PLAAT1: variants seen among roughly 807,000 people sequenced by gnomAD.
The protein encoded by PLAAT1 is H-REV107 protein-related protein.
Under a neutral mutation model 16.4 loss-of-function variants are expected in PLAAT1, and 13 were observed. The observed-to-expected ratio is 0.79, with a 90% confidence interval of 0.52 to 1.26. PLAAT1 has a LOEUF of 1.26. Ranked by LOEUF, PLAAT1 falls within the 50% of genes most tolerant of loss-of-function variation. The pLI is 0.00. For missense variants in PLAAT1, 218 were observed against 207.8 expected (o/e 1.05, Z -0.30); for synonymous variants, 73 against 78.4 (o/e 0.93, Z 0.36).
chr3:193,267,580 G>T (rs1716825099), intron 3 of PLAAT1, among the ~76,000 whole-genome samples: 2 of 151,934 alleles, frequency 1.3e-5, no homozygotes, highest in Admixed American at 6.6e-5. Flanking sequence ...CCATTTCCTT[G>T]ATTTACCACA....
At chr3:193,259,463 T>G (rs1716505243) in intron 2 of PLAAT1, among the ~76,000 whole-genome samples, 1 of 152,224 alleles carries the variant, frequency 6.6e-6, no homozygotes, top group African/African-American at 2.4e-5. Flanking sequence ...TATTTCATTC[T>G]GTACCTAGAA....
At chr3:193,273,046 C>A (rs1001978199), downstream of PLAAT1, among the ~76,000 whole-genome samples, 5 of 152,070 alleles carry the variant, frequency 3.3e-5, no homozygotes, top group African/African-American at 1.2e-4. Context: ...AAATAAAGAT[C>A]GTTATCCACC....
At chr3:193,240,931 T>C (rs1220362365), upstream of PLAAT1, among the ~76,000 whole-genome samples, 2 of 152,096 alleles carry the variant, frequency 1.3e-5, no homozygotes, top group Non-Finnish European at 2.9e-5. Context: ...CGATTATCTT[T>C]ATAACCGCGG....
intron 2 of PLAAT1, among the ~76,000 whole-genome samples, chr3:193,262,284 G>A (rs982898259): frequency 2.2e-4 from 33 of 151,968 alleles, no homozygotes; most frequent in African/African-American, 6.5e-4. Flanking sequence ...CACTGCCTGG[G>A]GCCATGTCTG....
chr3:193,274,604 G>A (rs1330153374), downstream of PLAAT1, among the ~76,000 whole-genome samples: 1 of 152,132 alleles, frequency 6.6e-6, no homozygotes, highest in African/African-American at 2.4e-5. Flanking sequence ...ACAAAAAGAG[G>A]AACTGTGACC....
intron 3 of PLAAT1, among the ~76,000 whole-genome samples, chr3:193,265,346 T>G (rs1031419309): frequency 6.6e-6 from 1 of 152,212 alleles, no homozygotes; most frequent in African/African-American, 2.4e-5. Flanking sequence ...AGTATGGACC[T>G]TGAAAACATT....
chr3:193,278,798 A>G (rs1292568749), downstream of PLAAT1, among the ~76,000 whole-genome samples: 2 of 152,178 alleles, frequency 1.3e-5, no homozygotes, highest in Non-Finnish European at 2.9e-5. Context: ...TCATCTTCAC[A>G]ACAAATCTAT....
chr3:193,252,563 A>G (rs1716229891), intron 1 of PLAAT1, among the ~76,000 whole-genome samples: 1 of 152,176 alleles, frequency 6.6e-6, no homozygotes, highest in African/African-American at 2.4e-5. Context: ...CTTAAGGACA[A>G]TCAATTTACC....
chr3:193,281,250 C>G, downstream of PLAAT1: 1 of 980,156 alleles, frequency 1.0e-6, no homozygotes, highest in Non-Finnish European at 1.2e-6. Context: ...AAGGTCTGTT[C>G]TGATGAAGTC....
At chr3:193,241,905 C>T (rs1346779536) in intron 1 of PLAAT1, among the ~76,000 whole-genome samples, 14 of 152,278 alleles carry the variant, frequency 9.2e-5, no homozygotes, top group African/African-American at 2.9e-4. Flanking sequence ...AAAAGTCACT[C>T]ATGTTTTCTC....
chr3:193,260,495 TAATC>T (rs1420422763), intron 2 of PLAAT1, among the ~76,000 whole-genome samples: 4 of 152,056 alleles, frequency 2.6e-5, no homozygotes, highest in African/African-American at 7.2e-5. Context: ...GAATTTAAAT[TAATC>T]AACATGTAAA....
At chr3:193,257,177 A>G (rs1716406690) in intron 2 of PLAAT1, among the ~76,000 whole-genome samples, 1 of 152,098 alleles carries the variant, frequency 6.6e-6, no homozygotes, top group African/African-American at 2.4e-5. Context: ...AACTGTAACT[A>G]CCTGTTACAG....
At chr3:193,254,671 A>T (rs772771403) in intron 1 of PLAAT1, among the ~76,000 whole-genome samples, 1 of 152,206 alleles carries the variant, frequency 6.6e-6, no homozygotes, top group African/African-American at 2.4e-5. Flanking sequence ...CATCAATGTG[A>T]TGAACTCACC....
intron 1 of PLAAT1, among the ~76,000 whole-genome samples, chr3:193,246,853 G>A (rs569548146): frequency 1.8e-4 from 28 of 152,250 alleles, no homozygotes; most frequent in African/African-American, 6.5e-4. Flanking sequence ...TGGCTTTGGT[G>A]TCAGGGTAAT....
At chr3:193,274,309 A>G (rs944324297), downstream of PLAAT1, among the ~76,000 whole-genome samples, 2 of 152,176 alleles carry the variant, frequency 1.3e-5, no homozygotes, top group Non-Finnish European at 2.9e-5. Context: ...TCTTTAAGTA[A>G]AAGTATCTTT....
In PLAAT1 at chr3:193,255,686, T is replaced by C. The variant is rs1448713905; in HGVS notation, c.36T>C (p.Pro12=). 4 of 1,612,884 alleles carry C rather than the reference T, an allele frequency of 2.5e-6. No individual in the cohort carries two copies. Among genetic ancestry groups the C allele is most frequent in the Non-Finnish European group, 3.4e-6 (4 of 1,179,238 alleles). Residue 12 remains proline (P), a synonymous_variant, in exon 2 of 4, where the codon CCT becomes CCC. Coordinates refer to ENST00000264735, the MANE Select transcript of PLAAT1 (RefSeq NM_020386.5). Reference sequence around the variant, plus strand: ...ATGATTGCTTCAGTTTGAACTACCCTGGCAACCCCTGCCCAGGGGACTTGA... The same window carrying C: ...ATGATTGCTTCAGTTTGAACTACCCCGGCAACCCCTGCCCAGGGGACTTGA... The part of the protein sequence containing the change: ...AFNDCFSLNY[P]GNPCPGDLIE...
At chr3:193,247,259 C>G (rs149762377) in intron 1 of PLAAT1, among the ~76,000 whole-genome samples, 1 of 152,270 alleles carries the variant, frequency 6.6e-6, no homozygotes, top group African/African-American at 2.4e-5. Flanking sequence ...TGACCCACCC[C>G]ACAGGTGCTT....
chr3:193,273,010 A>T (rs746937102), downstream of PLAAT1, among the ~76,000 whole-genome samples: 3 of 152,350 alleles, frequency 2.0e-5, no homozygotes, highest in African/African-American at 7.2e-5. Context: ...GTTCAACTTT[A>T]TCACATTCTA....
downstream of PLAAT1, among the ~76,000 whole-genome samples, chr3:193,272,433 A>T (rs1400291409): frequency 6.6e-6 from 1 of 151,242 alleles, no homozygotes. Flanking sequence ...CGACAGAGCG[A>T]GACTCCACCT....
Sources: allele counts gnomAD v4.1 joint callset (sites outside exome capture counted in the v4.1 genomes callset), GRCh38; gene constraint gnomAD v4.1.1; transcripts MANE v1.5; gene names NCBI Gene and HGNC (gene_info 2026-07-23, HGNC 2026-07-21).